FKBP15: variants seen among roughly 807,000 people sequenced by gnomAD.
FKBP15 encodes FKBP prolyl isomerase family member 15.
In FKBP15, 106 loss-of-function variants were observed where a neutral mutation model predicts 158.1. The observed-to-expected ratio is 0.67, with a 90% confidence interval of 0.57 to 0.79. The LOEUF is 0.79. FKBP15 is among the 30% of genes least tolerant of loss of function. FKBP15 has a pLI of 0.00. For synonymous variants in FKBP15, 547 were observed against 548.6 expected (o/e 1.00, Z 0.04); for missense variants, 1,287 against 1,479.1 (o/e 0.87, Z 2.13).
intron 2 of FKBP15, among the ~76,000 whole-genome samples, chr9:113,210,962 C>T (rs1468205228): frequency 6.6e-6 from 1 of 152,208 alleles, no homozygotes; most frequent in African/African-American, 2.4e-5. Context: ...GCTGCACTGT[C>T]GGCTTCCCTA....
At position 113,184,703 on chromosome 9, in the gene FKBP15, T is replaced by C. The variant is rs1336153046; in HGVS notation, c.1600A>G (p.Met534Val). The C allele has an allele frequency of 6.3e-7, 1 of 1,597,858 alleles. No homozygotes were observed. The highest frequency in any genetic ancestry group is 1.3e-5 in the African/African-American group (1 of 74,756). ...SKVADKMDHL[M>V]TKVEELQKHS... is the part of the protein sequence containing the mutation. The stretch of plus-strand genomic sequence containing the variant: ...AACTCTGACTCAGTCACCTTAGTCA[T>C]GAGATGATCCATTTTATCAGCCACT... Residue 534 changes from methionine to valine, a missense_variant, in exon 16 of 28, where the codon ATG becomes GTG. By Grantham distance (21) the Met-to-Val change is conservative. Coordinates refer to ENST00000238256, the MANE Select transcript of FKBP15 (RefSeq NM_015258.2). This position sits in a 1 kb window ranked among gnomAD's most constrained non-coding sequence, Gnocchi z 4.5.
chr9:113,197,004 A>T lies in FKBP15; in HGVS notation c.792T>A (p.Val264=). ...TCCAGCCTATTACCCCTTCTGAGCC[A>T]ACAGCACAGGCTGGAGGGACAATAA... ...RLLIVPPACA[V]GSEGVIGWTQ... Residue 264 remains valine, a synonymous_variant, in exon 9 of 28, where the codon GTT becomes GTA. Transcript: ENST00000238256. 1.2e-6 allele frequency: 2 copies of T among 1,613,986 alleles called. No homozygotes were observed. The highest frequency in any genetic ancestry group is 1.7e-6 in the Non-Finnish European group (2 of 1,179,872).
chr9:113,212,108 T>C (rs1461828271), intron 1 of FKBP15, among the ~76,000 whole-genome samples: 1 of 152,220 alleles, frequency 6.6e-6, no homozygotes, highest in Non-Finnish European at 1.5e-5. Flanking sequence ...AGAACCATTC[T>C]TTCATCATCC....
At chr9:113,176,957 A>G (rs957249567) in intron 20 of FKBP15, among the ~76,000 whole-genome samples, 1 of 152,074 alleles carries the variant, frequency 6.6e-6, no homozygotes, top group Non-Finnish European at 1.5e-5. Context: ...TCCCAATCCT[A>G]CCACACAAGC....
chr9:113,190,209 C>A (rs977567596), intron 12 of FKBP15, among the ~76,000 whole-genome samples: 1 of 152,172 alleles, frequency 6.6e-6, no homozygotes, highest in African/African-American at 2.4e-5. Flanking sequence ...TTAGTAACAA[C>A]AGAGATTCTA....
intron 19 of FKBP15, among the ~76,000 whole-genome samples, chr9:113,179,362 T>C (rs1220304961): frequency 1.3e-5 from 2 of 152,088 alleles, no homozygotes; most frequent in African/African-American, 4.8e-5. Context: ...ATTTTGACTC[T>C]CCTAAAAAAA....
rs191015168 is a variant in FKBP15, at chr9:113,165,928, G to A, written c.*150C>T. ...GGTCTGGCGGGGGTGGGGCTCAGAA[G>A]GTGGCCAACCCACCCTCTGAGCCCA... On this transcript the variant is annotated 3_prime_UTR_variant, in exon 28 of 28. Coordinates refer to ENST00000238256, the MANE Select transcript of FKBP15 (RefSeq NM_015258.2). 7.5e-3 allele frequency: 4,574 copies of A among 611,386 alleles called. 25 individuals carry two copies. Among genetic ancestry groups the A allele is most frequent in the Non-Finnish European group, 1.0e-2 (3,515 of 352,996 alleles). The allele number at this position is 611,386 out of a possible 1,614,324, so 37.9% of individuals were successfully genotyped here.
In FKBP15 at chr9:113,161,952, G is replaced by A. The variant is rs1830020609; in HGVS notation, c.*4126C>T. On this transcript the variant is annotated 3_prime_UTR_variant, in exon 28 of 28. Transcript: ENST00000238256. ...TTTCTTTAGGGAACAGTGATCTTCAGGTGCAGGCCCCTATCTAGCAAATGA... is the reference window on the plus strand; with the variant it reads ...TTTCTTTAGGGAACAGTGATCTTCAAGTGCAGGCCCCTATCTAGCAAATGA... 3 of 588,842 alleles carry A rather than the reference G, an allele frequency of 5.1e-6. No homozygotes were observed. Among genetic ancestry groups the A allele is most frequent in the South Asian group, 3.4e-5 (2 of 59,564 alleles). The allele number at this position is 588,842 out of a possible 1,614,324, so 36.5% of individuals were successfully genotyped here. A position where few individuals can be genotyped will look rare whatever the true frequency, so the allele number is the denominator to read the frequency against.
In FKBP15 at chr9:113,170,513, T is replaced by A; in HGVS notation, c.2766+9A>T. On this transcript the variant is annotated intron_variant, in intron 25 of 27. Coordinates refer to ENST00000238256, the MANE Select transcript of FKBP15 (RefSeq NM_015258.2). The stretch of plus-strand genomic sequence containing the variant: ...TACGATGAAACAAATGACAGCTGGC[T>A]GGCTGTACCTTGATCGTATTCATGA... The A allele has an allele frequency of 1.3e-6, 2 of 1,578,780 alleles. No homozygotes were observed. Among genetic ancestry groups the A allele is most frequent in the Non-Finnish European group, 1.7e-6 (2 of 1,148,160 alleles).
chr9:113,200,055 T>C (rs1830760095), intron 6 of FKBP15, 92 bp from the exon 7 acceptor site: 1 of 1,347,254 alleles, frequency 7.4e-7, no homozygotes, highest in Non-Finnish European at 1.0e-6. Context: ...AATAGCTTCA[T>C]CCACTAACAA....
intron 11 of FKBP15, among the ~76,000 whole-genome samples, chr9:113,191,236 G>A (rs1338627466): frequency 6.6e-6 from 1 of 151,430 alleles, no homozygotes; most frequent in Non-Finnish European, 1.5e-5. Context: ...GCAGTGGCGT[G>A]ATCTCGGCTC....
intron 1 of FKBP15, among the ~76,000 whole-genome samples, chr9:113,219,722 C>A (rs1831210676): frequency 6.6e-6 from 1 of 152,180 alleles, no homozygotes. Flanking sequence ...AATTTTCAGT[C>A]AGCTTGGACT....
At chr9:113,201,099 C>T (rs1587969487) in intron 6 of FKBP15, among the ~76,000 whole-genome samples, 1 of 138,654 alleles carries the variant, frequency 7.2e-6, no homozygotes, top group African/African-American at 2.8e-5. Context: ...AATGAGGCAT[C>T]ATTTTTTTTT....
chr9:113,206,376 A>G (rs1463474543), intron 4 of FKBP15, 133 bp downstream of exon 4: 7 of 672,204 alleles, frequency 1.0e-5, no homozygotes, highest in Non-Finnish European at 1.6e-5. Context: ...GCTTGATGTT[A>G]TAAATTAACA....
chr9:113,205,727 T>A (rs1308424865), intron 4 of FKBP15, among the ~76,000 whole-genome samples: 2 of 152,136 alleles, frequency 1.3e-5, no homozygotes, highest in Non-Finnish European at 2.9e-5. Flanking sequence ...GATACATACT[T>A]TTTTTGTCTA....
Position 113,193,045 on chromosome 9 carries a change from C to T in FKBP15, c.1065+447G>A, listed in dbSNP as rs140756036. ...GAACTCAGCACTTTACAAATTATCT[C>T]TAATCCTCACAAAAACTGTAAAAAG... On this transcript the variant is annotated intron_variant, in intron 11 of 27. Transcript: ENST00000238256. Among the ~76,000 whole-genome samples the T allele has an allele frequency of 7.1e-4, 108 of 152,316 alleles. 2 individuals carry two copies. In the East Asian group the frequency reaches 0.015, roughly 22 times the overall value.
At chr9:113,193,372 A>C in intron 11 of FKBP15, 120 bp downstream of exon 11, 1 of 622,806 alleles carries the variant, frequency 1.6e-6, no homozygotes, top group Non-Finnish European at 2.6e-6. Context: ...ACGAGGTCTC[A>C]CTATGTTGCC....
intron 2 of FKBP15, among the ~76,000 whole-genome samples, chr9:113,209,711 T>C (rs1830962828): frequency 6.6e-6 from 1 of 152,246 alleles, no homozygotes; most frequent in South Asian, 2.1e-4. Flanking sequence ...AAGGAAGTCT[T>C]CTCTGCTTTA....
intron 3 of FKBP15, 54 bp from the exon 4 acceptor site, chr9:113,206,632 C>T: frequency 7.0e-7 from 1 of 1,423,886 alleles, no homozygotes; most frequent in Non-Finnish European, 9.8e-7. Flanking sequence ...TTCTGCAGAA[C>T]CAGCTTTCTT....
Sources: gnomAD v4.1 joint callset for allele counts (sites outside exome capture counted in the v4.1 genomes callset) on GRCh38, gnomAD v4.1.1 for gene constraint, Gnocchi (gnomAD v3.1) non-coding constraint, MANE v1.5 for transcripts, NCBI Gene and HGNC (gene_info 2026-07-23, HGNC 2026-07-21) for gene names.